The following SERGEF variants were observed in gnomAD, a reference collection of about 807,000 sequenced individuals.
SERGEF encodes the protein secretion regulating guanine nucleotide exchange factor.
Under a neutral mutation model 50.0 loss-of-function variants are expected in SERGEF, and 51 were observed. That is an observed-to-expected ratio of 1.02 (90% CI 0.81 to 1.29). The LOEUF (loss-of-function observed/expected upper bound fraction) is 1.29, where lower values mean the gene tolerates loss of function less well. SERGEF is among the 50% of genes most tolerant of loss of function. The pLI is 0.00. For synonymous variants in SERGEF, 205 were observed against 212.4 expected (o/e 0.97, Z 0.30); for missense variants, 521 against 557.0 (o/e 0.94, Z 0.65).
chr11:17,957,178 C>T (rs778073164), intron 9 of SERGEF, among the ~76,000 whole-genome samples: 2 of 152,132 alleles, frequency 1.3e-5, no homozygotes, highest in South Asian at 2.1e-4. Flanking sequence ...TGATAAGCTA[C>T]GTAAAATTCA....
chr11:18,002,451 C>A (rs1853982361), intron 4 of SERGEF, among the ~76,000 whole-genome samples: 1 of 152,208 alleles, frequency 6.6e-6, no homozygotes, highest in African/African-American at 2.4e-5. Flanking sequence ...CCATACTAAA[C>A]TACTTACGAT....
At chr11:17,834,571 C>T (rs923917666) in intron 10 of SERGEF, among the ~76,000 whole-genome samples, 4 of 152,094 alleles carry the variant, frequency 2.6e-5, no homozygotes, top group Non-Finnish European at 5.9e-5. Flanking sequence ...AATGCTTTAC[C>T]CTGGAACATC....
At chr11:18,002,157 T>A in intron 4 of SERGEF, 1 of 373,386 alleles carries the variant, frequency 2.7e-6, no homozygotes, top group Non-Finnish European at 5.3e-6. Context: ...TCTTTTGTTT[T>A]TCCCCAAAAA....
chr11:17,985,550 G>A (rs1359783443), intron 8 of SERGEF, among the ~76,000 whole-genome samples: 1 of 152,144 alleles, frequency 6.6e-6, no homozygotes, highest in East Asian at 1.9e-4. Context: ...ACAATGATCG[G>A]GAACATTAAG....
chr11:18,012,773 T>A, intron 1 of SERGEF, 178 bp downstream of exon 1: 1 of 1,380,342 alleles, frequency 7.2e-7, no homozygotes, highest in East Asian at 2.9e-5. Flanking sequence ...AGACCCTTCC[T>A]TCCCCGCCCG....
At chr11:17,867,389 A>G (rs546200142) in intron 10 of SERGEF, among the ~76,000 whole-genome samples, 417 of 152,358 alleles carry the variant, frequency 2.7e-3, no homozygotes, top group Non-Finnish European at 4.1e-3. Flanking sequence ...AATGATCTCC[A>G]TTGCCTCCAT....
At chr11:17,960,778 G>A (rs1242570750) in intron 8 of SERGEF, among the ~76,000 whole-genome samples, 1 of 152,210 alleles carries the variant, frequency 6.6e-6, no homozygotes, top group Non-Finnish European at 1.5e-5. Context: ...CCTGCTAGCA[G>A]ACACTAAGGT....
chr11:17,828,505 G>A (rs1045456126), intron 10 of SERGEF, among the ~76,000 whole-genome samples: 4 of 152,208 alleles, frequency 2.6e-5, no homozygotes, highest in Non-Finnish European at 5.9e-5. Flanking sequence ...GGAGGATCTG[G>A]CACTTATTTT....
chr11:17,978,502 G>A (rs1407348113), intron 8 of SERGEF, among the ~76,000 whole-genome samples: 2 of 152,176 alleles, frequency 1.3e-5, no homozygotes, highest in African/African-American at 2.4e-5. Flanking sequence ...TGCTTTTGCT[G>A]TGAGTGAGAA....
intron 10 of SERGEF, among the ~76,000 whole-genome samples, chr11:17,822,203 T>G (rs938652561): frequency 6.6e-6 from 1 of 152,134 alleles, no homozygotes; most frequent in Non-Finnish European, 1.5e-5. Context: ...GATGACAAAC[T>G]CTTTCCTGAA....
intron 9 of SERGEF, among the ~76,000 whole-genome samples, chr11:17,910,422 A>G (rs554872554): frequency 9.5e-5 from 14 of 147,416 alleles, no homozygotes; most frequent in Non-Finnish European, 2.2e-4. Context: ...CTAATTAAAA[A>G]AAATTTTTTT....
At chr11:17,809,250 T>A (rs551510376) in intron 10 of SERGEF, among the ~76,000 whole-genome samples, 4 of 152,024 alleles carry the variant, frequency 2.6e-5, no homozygotes, top group Non-Finnish European at 5.9e-5. Context: ...TGGTGGTAGT[T>A]CCACTTGGTG....
intron 10 of SERGEF, among the ~76,000 whole-genome samples, chr11:17,853,001 G>A (rs2237936): frequency 0.058 from 8,766 of 152,242 alleles, 383 homozygotes; most frequent in South Asian, 0.17. Flanking sequence ...AAGTGGCTGC[G>A]ACAGTATCAG....
chr11:17,996,548 A>G (rs1007562153), intron 5 of SERGEF, among the ~76,000 whole-genome samples: 1 of 152,224 alleles, frequency 6.6e-6, no homozygotes, highest in African/African-American at 2.4e-5. Context: ...TAATTCATGT[A>G]CCTATGTTCT....
At chr11:17,796,563 G>A (rs1341928226) in intron 10 of SERGEF, among the ~76,000 whole-genome samples, 2 of 152,198 alleles carry the variant, frequency 1.3e-5, no homozygotes, top group Non-Finnish European at 2.9e-5. Flanking sequence ...GATGCAGCAA[G>A]AAGGTCTTCC....
intron 10 of SERGEF, among the ~76,000 whole-genome samples, chr11:17,827,107 G>T (rs1417365082): frequency 1.3e-5 from 2 of 152,234 alleles, no homozygotes; most frequent in Non-Finnish European, 2.9e-5. Context: ...TTGGGATGTA[G>T]GGGGTAGAAA....
At chr11:18,004,691 A>G (rs1854036248) in intron 3 of SERGEF, among the ~76,000 whole-genome samples, 156 bp from the exon 4 acceptor site, 1 of 152,164 alleles carries the variant, frequency 6.6e-6, no homozygotes, top group South Asian at 2.1e-4. Flanking sequence ...AGGAATGAAA[A>G]CACTGGGCAC....
chr11:17,976,057 G>A (rs1445591462), intron 8 of SERGEF, among the ~76,000 whole-genome samples: 1 of 152,152 alleles, frequency 6.6e-6, no homozygotes, highest in Non-Finnish European at 1.5e-5. Flanking sequence ...TCATTTTACA[G>A]GTGAGGAAGT....
intron 5 of SERGEF, among the ~76,000 whole-genome samples, chr11:17,996,460 A>G (rs1853838975): frequency 6.6e-6 from 1 of 152,238 alleles, no homozygotes; most frequent in African/African-American, 2.4e-5. Context: ...AAGTAAATAC[A>G]TATTTATGAC....
Sources: allele counts gnomAD v4.1 joint callset (sites outside exome capture counted in the v4.1 genomes callset), GRCh38; gene constraint gnomAD v4.1.1; transcripts MANE v1.5; gene names NCBI Gene and HGNC (gene_info 2026-07-23, HGNC 2026-07-21).